Variants in SPAG16 observed in about 807,000 individuals in gnomAD.
SPAG16 encodes sperm associated antigen 16.
Under a neutral mutation model 80.4 loss-of-function variants are expected in SPAG16, and 86 were observed. That is an observed-to-expected ratio of 1.07 (90% CI 0.90 to 1.28). The LOEUF is 1.28. SPAG16 is among the 50% of genes most tolerant of loss of function. The pLI, the probability that SPAG16 is intolerant of heterozygous loss-of-function variation, is 0.00. For synonymous variants in SPAG16, 294 were observed against 265.9 expected, an observed-to-expected ratio of 1.11 and a Z score of -1.03; for missense variants, 870 against 765.3, an observed-to-expected ratio of 1.14 and a Z score of -1.61.
At chr2:213,988,714 T>C (rs1185170279) in intron 12 of SPAG16, among the ~76,000 whole-genome samples, 1 of 151,358 alleles carries the variant, frequency 6.6e-6, no homozygotes, top group Non-Finnish European at 1.5e-5. Context: ...GCTCCCAAAA[T>C]ATAAATACAC....
intron 10 of SPAG16, among the ~76,000 whole-genome samples, chr2:213,788,803 A>G (rs939510574): frequency 6.6e-6 from 1 of 151,850 alleles, no homozygotes; most frequent in Non-Finnish European, 1.5e-5. Context: ...CTCAGCTCTT[A>G]TATTTGTTTT....
intron 15 of SPAG16, among the ~76,000 whole-genome samples, chr2:214,309,467 C>G (rs948455800): frequency 6.6e-6 from 1 of 152,136 alleles, no homozygotes; most frequent in African/African-American, 2.4e-5. Flanking sequence ...AGAAGGTACT[C>G]TGACTTTTTG....
At chr2:214,089,463 T>A (rs1224590859) in intron 13 of SPAG16, among the ~76,000 whole-genome samples, 1 of 152,068 alleles carries the variant, frequency 6.6e-6, no homozygotes, top group African/African-American at 2.4e-5. Context: ...TACAAGATTT[T>A]CCCCTGACTT....
chr2:213,993,508 G>A (rs1427953979), intron 12 of SPAG16, among the ~76,000 whole-genome samples: 1 of 152,052 alleles, frequency 6.6e-6, no homozygotes, highest in South Asian at 2.1e-4. Flanking sequence ...CCCTATTTTT[G>A]TTCTGGAAAT....
intron 5 of SPAG16, among the ~76,000 whole-genome samples, chr2:213,333,436 C>T (rs545876099): frequency 6.6e-6 from 1 of 152,096 alleles, no homozygotes; most frequent in East Asian, 1.9e-4. Flanking sequence ...CCCTAAGCAA[C>T]CTACAAATTC....
intron 3 of SPAG16, among the ~76,000 whole-genome samples, chr2:213,306,866 C>T (rs62192301): frequency 6.6e-6 from 1 of 152,322 alleles, no homozygotes; most frequent in Non-Finnish European, 1.5e-5. Flanking sequence ...ACTGTCTTTT[C>T]TGCCTTCTTC....
intron 10 of SPAG16, among the ~76,000 whole-genome samples, chr2:213,800,835 A>G (rs1377062431): frequency 1.3e-5 from 2 of 152,200 alleles, no homozygotes; most frequent in African/African-American, 4.8e-5. Flanking sequence ...AATACAGTAG[A>G]GTACGCTGTG....
chr2:213,308,476 T>C (rs971750225), intron 3 of SPAG16, among the ~76,000 whole-genome samples: 4 of 152,188 alleles, frequency 2.6e-5, no homozygotes, highest in Non-Finnish European at 5.9e-5. Flanking sequence ...ATGATAATGA[T>C]ATTTTGAAAA....
At chr2:213,776,842 A>G (rs2069620351) in intron 10 of SPAG16, among the ~76,000 whole-genome samples, 1 of 75,134 alleles carries the variant, frequency 1.3e-5, no homozygotes, top group Non-Finnish European at 2.6e-5. Context: ...CCCCCACCCC[A>G]GGACCCGAGC....
rs538771590 is a variant in SPAG16, at chr2:213,795,456, A to G, written c.1071-67029A>G. Among the ~76,000 whole-genome samples the G allele has an allele frequency of 6.6e-5, 10 of 152,338 alleles. No individual in the cohort carries two copies. The South Asian group carries it at 1.0e-3, about 16-fold the overall frequency. On this transcript the variant is annotated intron_variant, in intron 10 of 15. Transcript: ENST00000331683. ...TTCAACATTTTTCTACTTAGCATCAATATATCCTTCACACACAAAACATTC... is the reference window on the plus strand; with the variant it reads ...TTCAACATTTTTCTACTTAGCATCAGTATATCCTTCACACACAAAACATTC...
chr2:213,641,812 C>G (rs1036349050), intron 10 of SPAG16, among the ~76,000 whole-genome samples: 3 of 152,284 alleles, frequency 2.0e-5, no homozygotes, highest in African/African-American at 7.2e-5. Flanking sequence ...GTTTAATTGC[C>G]TCACAGTTCC....
At chr2:213,476,269 G>A (rs1304728033) in intron 9 of SPAG16, among the ~76,000 whole-genome samples, 1 of 152,212 alleles carries the variant, frequency 6.6e-6, no homozygotes, top group Non-Finnish European at 1.5e-5. Context: ...ACAGGCTGTC[G>A]GGAATTGGAG....
At chr2:214,210,027 T>C (rs1041440090) in intron 15 of SPAG16, among the ~76,000 whole-genome samples, 2 of 152,080 alleles carry the variant, frequency 1.3e-5, no homozygotes, top group African/African-American at 4.8e-5. Context: ...CAAATTACCA[T>C]TGAAATCAAT....
intron 12 of SPAG16, among the ~76,000 whole-genome samples, chr2:214,002,031 C>T (rs540013013): frequency 4.2e-4 from 64 of 152,154 alleles, no homozygotes; most frequent in Middle Eastern, 3.4e-3. Context: ...GAATGAGAGC[C>T]GAGCGAAAGG....
At chr2:213,417,913 C>T (rs1200357773) in intron 9 of SPAG16, among the ~76,000 whole-genome samples, 1 of 149,980 alleles carries the variant, frequency 6.7e-6, no homozygotes, top group East Asian at 1.9e-4. Context: ...CTCTTGTTGC[C>T]CAGGTTGGAG....
chr2:213,430,691 A>G (rs1319526602), intron 9 of SPAG16, among the ~76,000 whole-genome samples: 1 of 152,208 alleles, frequency 6.6e-6, no homozygotes, highest in Non-Finnish European at 1.5e-5. Context: ...TCACTAGGCT[A>G]GCAATATATT....
intron 15 of SPAG16, among the ~76,000 whole-genome samples, chr2:214,207,995 G>A (rs2058193198): frequency 6.6e-6 from 1 of 152,172 alleles, no homozygotes; most frequent in African/African-American, 2.4e-5. Flanking sequence ...CTACTTTTGA[G>A]GTTTTTGGAC....
intron 3 of SPAG16, 47 bp from the exon 4 acceptor site, chr2:213,310,012 A>T: frequency 8.2e-7 from 1 of 1,223,400 alleles, no homozygotes; most frequent in Non-Finnish European, 1.2e-6. Context: ...ATCATTAATT[A>T]ATGCTTTGAT....
At chr2:214,406,040 T>C (rs1701981326) in intron 15 of SPAG16, among the ~76,000 whole-genome samples, 1 of 152,206 alleles carries the variant, frequency 6.6e-6, no homozygotes, top group Non-Finnish European at 1.5e-5. Context: ...TGCTCCTACT[T>C]GTAACACACT....
Sources: allele counts gnomAD v4.1 joint callset (sites outside exome capture counted in the v4.1 genomes callset), GRCh38; gene constraint gnomAD v4.1.1; transcripts MANE v1.5; gene names NCBI Gene and HGNC (gene_info 2026-07-23, HGNC 2026-07-21).